The following NCKAP5 variants were observed in gnomAD, a reference collection of about 807,000 sequenced individuals.
NCKAP5 encodes the protein nck-associated protein 5.
Under a neutral mutation model 167.0 loss-of-function variants are expected in NCKAP5, and 92 were observed. The ratio of observed to expected loss-of-function variants is 0.55; its 90% CI spans 0.47 to 0.66. NCKAP5 has a LOEUF of 0.66. Ranked by LOEUF, NCKAP5 falls within the 30% of genes least tolerant of loss-of-function variation. NCKAP5 has a pLI of 0.00. For missense variants in NCKAP5, 2,378 were observed against 2,315.0 expected (o/e 1.03, Z -0.56); for synonymous variants, 891 against 877.4 (o/e 1.02, Z -0.27).
chr2:133,104,272 C>T lies in NCKAP5; in HGVS notation c.341+25706G>A, dbSNP rs948474380. Among the ~76,000 whole-genome samples, 9 of 152,228 alleles carry T rather than the reference C, an allele frequency of 5.9e-5. No homozygotes were observed. The East Asian group carries it at 1.2e-3, about 20-fold the overall frequency. On this transcript the variant is annotated intron_variant, in intron 6 of 19. Transcript: ENST00000409261. ...GGCTACAAATCAACCAGAACTGCTA[C>T]CTGCTGAACACCTAATTTTTGCCAA...
At chr2:133,077,700 C>T (rs2080656242) in intron 6 of NCKAP5, among the ~76,000 whole-genome samples, 2 of 152,184 alleles carry the variant, frequency 1.3e-5, no homozygotes, top group Non-Finnish European at 2.9e-5. Context: ...GTATCCAAGG[C>T]TAGGCTTTTC....
chr2:132,906,377 A>G (rs187820566), intron 8 of NCKAP5, among the ~76,000 whole-genome samples: 5 of 152,294 alleles, frequency 3.3e-5, no homozygotes, highest in Admixed American at 3.3e-4. Flanking sequence ...GCAGATGGCT[A>G]TTTTCTAGAT....
At chr2:133,258,603 G>C (rs771873506) in intron 4 of NCKAP5, among the ~76,000 whole-genome samples, 3 of 152,068 alleles carry the variant, frequency 2.0e-5, no homozygotes, top group Non-Finnish European at 4.4e-5. Context: ...AAATTAGCCA[G>C]GCATGATGGT....
chr2:133,533,363 T>C lies in NCKAP5; in HGVS notation c.-61-15776A>G, dbSNP rs564569153. ...AAATCTCTCAATGTTTGAAGATTAG[T>C]TCGGTTTTTAAAAAGTAGTTCACAA... On this transcript the variant is annotated intron_variant, in intron 2 of 19. Coordinates refer to ENST00000409261, the MANE Select transcript of NCKAP5 (RefSeq NM_207363.3). 1.2e-3 allele frequency among the ~76,000 whole-genome samples: 188 copies of C among 152,382 alleles called. 2 individuals are homozygous for C. Among genetic ancestry groups the C allele is most frequent in the African/African-American group, 4.1e-3 (171 of 41,590 alleles).
chr2:133,257,681 T>C (rs1247532033), intron 4 of NCKAP5, among the ~76,000 whole-genome samples: 2 of 152,194 alleles, frequency 1.3e-5, no homozygotes, highest in Non-Finnish European at 1.5e-5. Flanking sequence ...TGCTTAACTT[T>C]GTGTACATAG....
the NCKAP5 span, among the ~76,000 whole-genome samples, chr2:133,655,824 G>T: frequency 3.3e-5 from 5 of 152,200 alleles, no homozygotes; most frequent in African/African-American, 1.2e-4. Context: ...CTAATGGGCA[G>T]CTGAGCAGAT....
intron 3 of NCKAP5, among the ~76,000 whole-genome samples, chr2:133,364,577 T>C (rs2150883117): frequency 6.6e-6 from 1 of 152,270 alleles, no homozygotes; most frequent in East Asian, 1.9e-4. Flanking sequence ...TTTCATGTTC[T>C]CGACACTTTG....
At chr2:133,649,457 T>G in the NCKAP5 span, among the ~76,000 whole-genome samples, 1 of 151,792 alleles carries the variant, frequency 6.6e-6, no homozygotes, top group South Asian at 2.1e-4. Flanking sequence ...GCCACTATCC[T>G]TAATAAATAT....
chr2:132,990,895 A>G (rs1287949112), intron 7 of NCKAP5, among the ~76,000 whole-genome samples: 1 of 152,234 alleles, frequency 6.6e-6, no homozygotes, highest in Non-Finnish European at 1.5e-5. Context: ...ATACACTTAG[A>G]TAAGAAAGTA....
intron 3 of NCKAP5, among the ~76,000 whole-genome samples, chr2:133,375,962 C>T (rs1472324420): frequency 1.3e-5 from 2 of 151,934 alleles, no homozygotes; most frequent in Non-Finnish European, 2.9e-5. Flanking sequence ...AAAGAGAGGG[C>T]TTCAGAGTGG....
intron 3 of NCKAP5, among the ~76,000 whole-genome samples, chr2:133,416,951 G>A (rs982640692): frequency 3.3e-5 from 5 of 152,184 alleles, no homozygotes; most frequent in South Asian, 2.1e-4. Context: ...GGTCTTGCAC[G>A]CATCTGAGGG....
At chr2:133,668,574 C>T in the NCKAP5 span, among the ~76,000 whole-genome samples, 4 of 151,672 alleles carry the variant, frequency 2.6e-5, no homozygotes, top group African/African-American at 4.9e-5. Flanking sequence ...ACTAGCCATT[C>T]GCATATCTTC....
intron 4 of NCKAP5, among the ~76,000 whole-genome samples, chr2:133,220,168 A>G (rs1484053075): frequency 6.6e-6 from 1 of 152,250 alleles, no homozygotes; most frequent in African/African-American, 2.4e-5. Context: ...CTGGAAACAG[A>G]CAACTGTGCT....
intron 3 of NCKAP5, among the ~76,000 whole-genome samples, chr2:133,476,578 G>C (rs1314622338): frequency 2.6e-5 from 4 of 152,096 alleles, no homozygotes; most frequent in Non-Finnish European, 5.9e-5. Context: ...CACTTTTCAG[G>C]AGAGAAGCTA....
At chr2:133,149,864 A>G (rs1164746177) in intron 5 of NCKAP5, among the ~76,000 whole-genome samples, 1 of 152,122 alleles carries the variant, frequency 6.6e-6, no homozygotes, top group Non-Finnish European at 1.5e-5. Flanking sequence ...CAAAGTATAA[A>G]TTAACTGTTC....
chr2:133,106,520 G>T (rs2081707057), intron 6 of NCKAP5, among the ~76,000 whole-genome samples: 1 of 152,098 alleles, frequency 6.6e-6, no homozygotes, highest in Non-Finnish European at 1.5e-5. Context: ...ACTCTCCAGA[G>T]GAGAGATAAA....
chr2:132,674,935 G>C (rs1252836939), intron 19 of NCKAP5, among the ~76,000 whole-genome samples: 1 of 152,098 alleles, frequency 6.6e-6, no homozygotes, highest in African/African-American at 2.4e-5. Flanking sequence ...CAGAAAAGTG[G>C]CTCCATAATT....
chr2:133,319,791 C>T (rs62180012), intron 3 of NCKAP5, among the ~76,000 whole-genome samples: 37,558 of 151,998 alleles, frequency 0.25, 5,066 homozygotes, highest in African/African-American at 0.37. Context: ...CATCAGGAAA[C>T]TTATGCAAAT....
At chr2:133,553,054 C>A (rs1053498065) in intron 2 of NCKAP5, among the ~76,000 whole-genome samples, 82 of 152,144 alleles carry the variant, frequency 5.4e-4, no homozygotes, top group Admixed American at 1.7e-3. Flanking sequence ...TTATTTCCAA[C>A]CTCATTCCCC....
Sources: gnomAD v4.1 joint callset for allele counts (sites outside exome capture counted in the v4.1 genomes callset) on GRCh38, gnomAD v4.1.1 for gene constraint, MANE v1.5 for transcripts, NCBI Gene and HGNC (gene_info 2026-07-23, HGNC 2026-07-21) for gene names.